Variants in GTF2H5 observed in about 807,000 individuals in gnomAD.
GTF2H5 encodes general transcription factor IIH subunit 5.
GTF2H5 carries 5 observed loss-of-function variants against 7.1 expected under a neutral mutation model. That is an observed-to-expected ratio of 0.71 (90% CI 0.37 to 1.49). The LOEUF is 1.49. Ranked by LOEUF, GTF2H5 falls within the 40% of genes most tolerant of loss-of-function variation. The pLI is 0.03. For missense variants in GTF2H5, 80 were observed against 83.0 expected (o/e 0.96, Z 0.14); for synonymous variants, 30 against 31.7 (o/e 0.95, Z 0.18).
chr6:158,169,565 A>G (rs11757870), intron 1 of GTF2H5, among the ~76,000 whole-genome samples: 2 of 90,764 alleles, frequency 2.2e-5, no homozygotes, highest in Non-Finnish European at 3.9e-5. Context: ...ATTATATATA[A>G]TATATTGTAT....
intron 1 of GTF2H5, 22 bp from the exon 2 acceptor site, chr6:158,170,448 G>A (rs2128428772): frequency 1.4e-6 from 2 of 1,403,438 alleles, no homozygotes; most frequent in Admixed American, 3.4e-5. Flanking sequence ...TTAATTTAAT[G>A]TTACCTTACT....
chr6:158,182,213 T>C (rs1206291570), intron 2 of GTF2H5, among the ~76,000 whole-genome samples: 2 of 152,226 alleles, frequency 1.3e-5, no homozygotes, highest in Non-Finnish European at 2.9e-5. Flanking sequence ...CCCACTCTCT[T>C]CTGGCTTGTA....
chr6:158,179,882 G>A (rs1785983611), intron 2 of GTF2H5, among the ~76,000 whole-genome samples: 1 of 152,144 alleles, frequency 6.6e-6, no homozygotes, highest in Non-Finnish European at 1.5e-5. Flanking sequence ...ATGTGGAATA[G>A]GAGTGGTGAG....
At chr6:158,182,437 G>A (rs1786023434) in intron 2 of GTF2H5, among the ~76,000 whole-genome samples, 1 of 152,068 alleles carries the variant, frequency 6.6e-6, no homozygotes. Context: ...GCTAGGTTGG[G>A]GAAATTCTCC....
At chr6:158,186,373 A>C (rs1037385060) in intron 2 of GTF2H5, among the ~76,000 whole-genome samples, 1 of 152,232 alleles carries the variant, frequency 6.6e-6, no homozygotes, top group Non-Finnish European at 1.5e-5. Flanking sequence ...ACCTGTTAGT[A>C]GTAGCCAGTT....
rs1298148221 is a variant in GTF2H5 at position 158,198,984 on chromosome 6, C to T, written c.*6827C>T. On this transcript the variant is annotated 3_prime_UTR_variant, in exon 3 of 3. Transcript: ENST00000607778. ...GAATAAGCTGTTAACAACTTTAATACCTGTCTTGTTTGTTTTCTTCAGAAA... is the reference window on the plus strand; with the variant it reads ...GAATAAGCTGTTAACAACTTTAATATCTGTCTTGTTTGTTTTCTTCAGAAA... 6.6e-6 allele frequency: 1 copy of T among 152,122 alleles called. No homozygotes were observed. The highest frequency in any genetic ancestry group is 2.4e-5 in the African/African-American group (1 of 41,426). The allele number at this position is 152,122 out of a possible 1,614,324, so 9.4% of individuals were successfully genotyped here.
chr6:158,176,070 G>A (rs1785930280), intron 2 of GTF2H5, among the ~76,000 whole-genome samples: 1 of 152,146 alleles, frequency 6.6e-6, no homozygotes, highest in South Asian at 2.1e-4. Flanking sequence ...ATTTATGGAT[G>A]TACAAAGTGA....
intron 2 of GTF2H5, among the ~76,000 whole-genome samples, chr6:158,175,672 GA>G (rs1193606943): frequency 5.3e-5 from 8 of 151,976 alleles, no homozygotes; most frequent in African/African-American, 1.7e-4. Flanking sequence ...GCTGAGGCAG[GA>G]GAATCACTTG....
At chr6:158,179,277 C>T (rs908837859) in intron 2 of GTF2H5, among the ~76,000 whole-genome samples, 1 of 152,094 alleles carries the variant, frequency 6.6e-6, no homozygotes, top group East Asian at 1.9e-4. Context: ...AGTCAGGTAG[C>T]GTGATGCCTC....
At chr6:158,175,026 G>GTGTGTGTGTGTGTGTGTGTGTGTATA (rs1562471579) in intron 2 of GTF2H5, among the ~76,000 whole-genome samples, 1 of 140,140 alleles carries the variant, frequency 7.1e-6, no homozygotes, top group African/African-American at 2.9e-5. Flanking sequence ...GTGTGTGTGT[G>GTGTGTGTGTGTGTGTGTGTGTGTATA]TGTGTGTGTG....
At chr6:158,186,754 C>G (rs913170686) in intron 2 of GTF2H5, among the ~76,000 whole-genome samples, 1 of 152,096 alleles carries the variant, frequency 6.6e-6, no homozygotes, top group Non-Finnish European at 1.5e-5. Flanking sequence ...TCTGGAAAGG[C>G]AGGACAACTC....
intron 2 of GTF2H5, among the ~76,000 whole-genome samples, chr6:158,172,515 G>C (rs1048704284): frequency 1.3e-5 from 2 of 151,960 alleles, no homozygotes; most frequent in African/African-American, 4.8e-5. Flanking sequence ...GGCCAGGCTG[G>C]TCTCGATCTC....
intron 2 of GTF2H5, among the ~76,000 whole-genome samples, chr6:158,182,035 G>A (rs1786018103): frequency 6.6e-6 from 1 of 152,158 alleles, no homozygotes; most frequent in Non-Finnish European, 1.5e-5. Context: ...TCCATGTTTA[G>A]TGTTTCCTTC....
chr6:158,169,588 A>G (rs1361347661), intron 1 of GTF2H5, among the ~76,000 whole-genome samples: 1 of 88,348 alleles, frequency 1.1e-5, no homozygotes, highest in Non-Finnish European at 1.9e-5. Context: ...TATATATAAT[A>G]TATTGTATAT....
chr6:158,184,441 C>T (rs187959875), intron 2 of GTF2H5, among the ~76,000 whole-genome samples: 3 of 152,140 alleles, frequency 2.0e-5, no homozygotes, highest in Non-Finnish European at 4.4e-5. Flanking sequence ...ACAGTAAAAC[C>T]CCTATTATAT....
Position 158,196,429 on chromosome 6 carries a change from C to G in GTF2H5, c.*4272C>G, listed in dbSNP as rs1182531582. The G allele has an allele frequency of 6.6e-6, 1 of 152,148 alleles. No individual in the cohort carries two copies. The allele number at this position is 152,148 out of a possible 1,614,324, so 9.4% of individuals were successfully genotyped here. A position where few individuals can be genotyped will look rare whatever the true frequency, so the allele number is the denominator to read the frequency against. ...CATTTGTGTAAACAGGAATGCCCGT[C>G]TTTAAAGACTATTAAAATGAATGTG... On this transcript the variant is annotated 3_prime_UTR_variant, in exon 3 of 3. Transcript: ENST00000607778.
At position 158,192,062 on chromosome 6, in the gene GTF2H5, AC is replaced by A. The variant is rs761608353; in HGVS notation, c.122del (p.Thr41IlefsTer5). The A allele has an allele frequency of 1.9e-6, 3 of 1,612,828 alleles. No homozygotes were observed. The highest frequency in any genetic ancestry group is 2.5e-6 in the Non-Finnish European group (3 of 1,178,810). On this transcript the variant is annotated frameshift_variant, in exon 3 of 3. Coordinates refer to ENST00000607778, the MANE Select transcript of GTF2H5 (RefSeq NM_207118.3). LOFTEE classifies it high-confidence loss of function. ...KKFIIQDIDD[T>X]HVFVIAELVN... is the part of the protein sequence containing the mutation. ...GTTCATCATTCAAGACATTGATGAC[AC>A]TCACGTCTTTGTAATAGCAGAATTG...
rs1281240632 is a variant in GTF2H5, at chr6:158,197,706, T to A, written c.*5549T>A. On this transcript the variant is annotated 3_prime_UTR_variant, in exon 3 of 3. Transcript: ENST00000607778. ...AGCTTCACCAGAGGGTCTTCCACCG[T>A]GACAGTTCCCCTGCGCATTCCTCTC... is the stretch of plus-strand genomic sequence containing the variant. 6.6e-6 allele frequency: 1 copy of A among 152,218 alleles called. No individual in the cohort carries two copies. The highest frequency in any genetic ancestry group is 2.4e-5 in the African/African-American group (1 of 41,466). 9.4% of individuals were successfully genotyped at this position (152,218 alleles called of 1,614,324 possible).
rs1491100832 is a variant in GTF2H5 at position 158,169,686 on chromosome 6, A to ATATATTATATAATATATTGTATAT, written c.-34-779_-34-778insTATATAATATATTGTATATTATAT. 4.0e-4 allele frequency among the ~76,000 whole-genome samples: 12 copies of ATATATTATATAATATATTGTATAT among 29,736 alleles called. 2 individuals are homozygous for ATATATTATATAATATATTGTATAT. In the East Asian group the frequency reaches 0.016, roughly 40 times the overall value. The allele number at this position is 29,736 out of a possible 152,430, so 19.5% of individuals were successfully genotyped here. A position where few individuals can be genotyped will look rare whatever the true frequency, so the allele number is the denominator to read the frequency against. On this transcript the variant is annotated intron_variant, in intron 1 of 2. Transcript: ENST00000607778. ...TATATTGTATATTATATAATATATA[A>ATATATTATATAATATATTGTATAT]TATATATTATATAATATATTGTATA...
Sources: gnomAD v4.1 joint callset for allele counts (sites outside exome capture counted in the v4.1 genomes callset) on GRCh38, gnomAD v4.1.1 for gene constraint, MANE v1.5 for transcripts, NCBI Gene and HGNC (gene_info 2026-07-23, HGNC 2026-07-21) for gene names.